Variants in MAP3K6 observed in about 807,000 individuals in gnomAD.
MAP3K6 encodes mitogen-activated protein kinase kinase kinase 6.
In MAP3K6, 105 loss-of-function variants were observed where a neutral mutation model predicts 147.1. That is an observed-to-expected ratio of 0.71 (90% CI 0.61 to 0.84). MAP3K6 has a LOEUF of 0.84. MAP3K6 is among the 40% of genes least tolerant of loss of function. The probability of loss-of-function intolerance (pLI) is 0.00; values close to 1 mark genes in which losing one functional copy is unlikely to be tolerated. For missense variants in MAP3K6, 1,569 were observed against 1,715.0 expected (o/e 0.91, Z 1.50); for synonymous variants, 695 against 732.4 (o/e 0.95, Z 0.82).
At position 27,361,133 on chromosome 1, in the gene MAP3K6, C is replaced by T. The variant is rs776380792; in HGVS notation, c.1832+24G>A. On this transcript the variant is annotated intron_variant, in intron 13 of 28. Transcript: ENST00000357582. ...CCCGGGCATCCTGGCCCTCAGAGTACCCCGACCATGAAAGGCTGCGCACCA... is the reference window on the plus strand; with the variant it reads ...CCCGGGCATCCTGGCCCTCAGAGTATCCCGACCATGAAAGGCTGCGCACCA... 5.0e-6 allele frequency: 8 copies of T among 1,587,636 alleles called. No homozygotes were observed. The South Asian group carries it at 5.7e-5, about 11-fold the overall frequency.
Position 27,355,756 on chromosome 1 carries a change from T to C in MAP3K6, c.3712-11A>G, listed in dbSNP as rs377394094. 1.2e-6 allele frequency: 2 copies of C among 1,612,228 alleles called. No individual in the cohort carries two copies. The highest frequency in any genetic ancestry group is 1.7e-6 in the Non-Finnish European group (2 of 1,178,596). On this transcript the variant is annotated splice_polypyrimidine_tract_variant and intron_variant, in intron 27 of 28. Coordinates refer to ENST00000357582, the MANE Select transcript of MAP3K6 (RefSeq NM_004672.5). Reference sequence around the variant, plus strand: ...GCTATGGTTCAACAGCTGGATGTGGTCAAAGACCCGCAGAAAGAGGGAAAT... The same window carrying C: ...GCTATGGTTCAACAGCTGGATGTGGCCAAAGACCCGCAGAAAGAGGGAAAT...
chr1:27,360,913 G>C lies in MAP3K6; in HGVS notation c.1920+8C>G. On this transcript the variant is annotated splice_region_variant and intron_variant, in intron 14 of 28. Transcript: ENST00000357582. This position sits in a 1 kb window ranked among gnomAD's most constrained non-coding sequence, Gnocchi z 4.5. ...GCCCTCCGCGAGCTCCCAGTCCCGCGTCCTCACCTCCAACATCTCCCCCGC... is the reference window on the plus strand; with the variant it reads ...GCCCTCCGCGAGCTCCCAGTCCCGCCTCCTCACCTCCAACATCTCCCCCGC... 1 of 1,608,696 alleles carries C rather than the reference G, an allele frequency of 6.2e-7. No homozygotes were observed.
Position 27,360,682 on chromosome 1 carries a change from AC to A in MAP3K6, c.2054+22del. On this transcript the variant is annotated intron_variant, in intron 15 of 28. Transcript: ENST00000357582. The surrounding 1 kb of genome is among the most constrained non-coding windows in gnomAD (Gnocchi z 4.5). ...TCGGCCCTCGCGAGCCCTCAGCCCC[AC>A]CCGCGCTGCCACGCACCGCACCTGC... The A allele has an allele frequency of 6.3e-7, 1 of 1,597,220 alleles. No homozygotes were observed. The highest frequency in any genetic ancestry group is 8.5e-7 in the Non-Finnish European group (1 of 1,172,638).
At position 27,355,701 on chromosome 1, in the gene MAP3K6, GGC is replaced by G; in HGVS notation, c.3754_3755del (p.Ala1252HisfsTer4). Reference sequence around the variant, plus strand: ...GGGTGTAGATGAGGTCATCTCGAGTGGCATAGGTGAGCAGAGTGTGGAGGGTG... The same window carrying G: ...GGGTGTAGATGAGGTCATCTCGAGTGATAGGTGAGCAGAGTGTGGAGGGTG... Reference protein sequence around the residue: ...SFTLHTLLTYATRDDLIYTRI... With the variant: ...SFTLHTLLTYXTRDDLIYTRI... On this transcript the variant is annotated frameshift_variant, in exon 28 of 29. Coordinates refer to ENST00000357582, the MANE Select transcript of MAP3K6 (RefSeq NM_004672.5). LOFTEE classifies it high-confidence loss of function. 2 of 1,612,690 alleles carry G rather than the reference GGC, an allele frequency of 1.2e-6. No individual in the cohort carries two copies. Among genetic ancestry groups the G allele is most frequent in the Non-Finnish European group, 1.7e-6 (2 of 1,179,536 alleles).
rs1438709417 is a variant in MAP3K6 at position 27,358,665 on chromosome 1, T to C, written c.2583+44A>G. ...ATTCAGAGGTGTCCAAGGCCCAGGC[T>C]GGCCCTATGCCACTTCCATGGGCCA... is the stretch of plus-strand genomic sequence containing the variant. On this transcript the variant is annotated intron_variant, in intron 19 of 28. Coordinates refer to ENST00000357582, the MANE Select transcript of MAP3K6 (RefSeq NM_004672.5). The surrounding 1 kb of genome is among the most constrained non-coding windows in gnomAD (Gnocchi z 6.2). 2 of 1,613,670 alleles carry C rather than the reference T, an allele frequency of 1.2e-6. No homozygotes were observed. Among genetic ancestry groups the C allele is most frequent in the Admixed American group, 3.3e-5 (2 of 60,004 alleles).
chr1:27,357,924 A>C, intron 21 of MAP3K6, 48 bp from the exon 22 acceptor site: 1 of 1,531,888 alleles, frequency 6.5e-7, no homozygotes, highest in Non-Finnish European at 8.7e-7. Context: ...GCAACCGGCC[A>C]GTCACCTCTG....
In MAP3K6 at chr1:27,360,792, T is replaced by C. The variant is rs2015724411; in HGVS notation, c.1967A>G (p.Lys656Arg). 1 of 1,612,776 alleles carries C rather than the reference T, an allele frequency of 6.2e-7. No individual in the cohort carries two copies. Among genetic ancestry groups the C allele is most frequent in the Non-Finnish European group, 8.5e-7 (1 of 1,179,880 alleles). The stretch of plus-strand genomic sequence containing the variant: ...CGCGTACACCACCCCATACGTGCCC[T>C]TGCCCAGCACCAGCCGCTCGCCCGT... ...TETGERLVLGKGTYGVVYAGR... is the reference protein window; with the variant it reads ...TETGERLVLGRGTYGVVYAGR... Residue 656 changes from lysine to arginine, a missense_variant, in exon 15 of 29, where the codon AAG (lysine) becomes AGG (arginine). Coordinates refer to ENST00000357582, the MANE Select transcript of MAP3K6 (RefSeq NM_004672.5). The surrounding 1 kb of genome is among the most constrained non-coding windows in gnomAD (Gnocchi z 4.5).
At position 27,360,896 on chromosome 1, in the gene MAP3K6, C is replaced by G; in HGVS notation, c.1920+25G>C. 1.2e-6 allele frequency: 2 copies of G among 1,608,244 alleles called. No individual in the cohort carries two copies. ...AGGGCCCGCGGCCCCTCGCCCTCCG[C>G]GAGCTCCCAGTCCCGCGTCCTCACC... On this transcript the variant is annotated intron_variant, in intron 14 of 28. Transcript: ENST00000357582. The surrounding 1 kb of genome is among the most constrained non-coding windows in gnomAD (Gnocchi z 4.5).
Position 27,364,426 on chromosome 1 carries a change from C to T in MAP3K6, c.505-32G>A. On this transcript the variant is annotated intron_variant, in intron 3 of 28. Transcript: ENST00000357582. This position sits in a 1 kb window ranked among gnomAD's most constrained non-coding sequence, Gnocchi z 4.4. ...GGAGGGAGGCAGGAATCAGTGAGGT[C>T]AGAGGTCAGCACAGGGCTAGACAAG... 6.2e-7 allele frequency: 1 copy of T among 1,611,116 alleles called. No homozygotes were observed.
chr1:27,364,562 G>T lies in MAP3K6; in HGVS notation c.504+99C>A. On this transcript the variant is annotated intron_variant, in intron 3 of 28. Coordinates refer to ENST00000357582, the MANE Select transcript of MAP3K6 (RefSeq NM_004672.5). This position sits in a 1 kb window ranked among gnomAD's most constrained non-coding sequence, Gnocchi z 4.4. Reference sequence around the variant, plus strand: ...CAGAGGAATACTTGGGATGTCAGTGGGGGGTTAGGTGACTGAGGAGGCCAG... The same window carrying T: ...CAGAGGAATACTTGGGATGTCAGTGTGGGGTTAGGTGACTGAGGAGGCCAG... 1 of 1,577,610 alleles carries T rather than the reference G, an allele frequency of 6.3e-7. No homozygotes were observed. The highest frequency in any genetic ancestry group is 1.1e-5 in the South Asian group (1 of 90,170).
rs2015657712 is a variant in MAP3K6 at position 27,359,387 on chromosome 1, TC to T, written c.2425+29del. 8 of 1,613,868 alleles carry T rather than the reference TC, an allele frequency of 5.0e-6. No homozygotes were observed. Among genetic ancestry groups the T allele is most frequent in the Non-Finnish European group, 5.1e-6 (6 of 1,179,878 alleles). On this transcript the variant is annotated intron_variant, in intron 18 of 28. Transcript: ENST00000357582. The surrounding 1 kb of genome is among the most constrained non-coding windows in gnomAD (Gnocchi z 4.4). ...AGAGATCTTCTGCCCCAGGTCAGCA[TC>T]CCCACTCACCACCCCCACACCTTGT...
Position 27,358,215 on chromosome 1 carries a change from G to A in MAP3K6, c.2881C>T (p.Arg961Cys), listed in dbSNP as rs201384950. ...PSQHPPSPPK[R>C]CLSYGGTSQL... is the part of the protein sequence containing the mutation. The stretch of plus-strand genomic sequence containing the variant: ...CTGGTGCCCCCATAACTGAGGCAGC[G>A]CTTCGGGGGGCTGGGTGGGTGCTGA... The change falls in exon 21 of 29, where the codon CGC becomes TGC. Residue 961 changes from arginine (R) to cysteine (C), a missense_variant. Transcript: ENST00000357582. The surrounding 1 kb of genome is among the most constrained non-coding windows in gnomAD (Gnocchi z 6.2). 25 of 1,595,558 alleles carry A rather than the reference G, an allele frequency of 1.6e-5. No homozygotes were observed. Among genetic ancestry groups the A allele is most frequent in the South Asian group, 1.0e-4 (9 of 88,444 alleles).
In MAP3K6 at chr1:27,358,657, G is replaced by T. The variant is rs781090844; in HGVS notation, c.2584-46C>A. On this transcript the variant is annotated intron_variant, in intron 19 of 28. Coordinates refer to ENST00000357582, the MANE Select transcript of MAP3K6 (RefSeq NM_004672.5). This position sits in a 1 kb window ranked among gnomAD's most constrained non-coding sequence, Gnocchi z 6.2. ...AGGGTGACATTCAGAGGTGTCCAAG[G>T]CCCAGGCTGGCCCTATGCCACTTCC... The T allele has an allele frequency of 8.1e-6, 13 of 1,613,526 alleles. 1 individual carries two copies. In the South Asian group the frequency reaches 1.4e-4, roughly 18 times the overall value.
Position 27,358,967 on chromosome 1 carries a change from G to A in MAP3K6, c.2426-101C>T, listed in dbSNP as rs1049235242. 20 of 1,210,810 alleles carry A rather than the reference G, an allele frequency of 1.7e-5. No individual in the cohort carries two copies. The highest frequency in any genetic ancestry group is 1.6e-5 in the Non-Finnish European group (14 of 865,838). The allele number at this position is 1,210,810 out of a possible 1,614,324, so 75.0% of individuals were successfully genotyped here. A position where few individuals can be genotyped will look rare whatever the true frequency, so the allele number is the denominator to read the frequency against. ...TCCTCAGGCCGACTGCACCCATACT[G>A]AACCTATCATCCAAAATATACCTCA... On this transcript the variant is annotated intron_variant, in intron 18 of 28. Coordinates refer to ENST00000357582, the MANE Select transcript of MAP3K6 (RefSeq NM_004672.5). This position sits in a 1 kb window ranked among gnomAD's most constrained non-coding sequence, Gnocchi z 6.2.
In MAP3K6 at chr1:27,360,542, C is replaced by G. The variant is rs1457942722; in HGVS notation, c.2054+163G>C. 1.3e-5 allele frequency among the ~76,000 whole-genome samples: 2 copies of G among 151,760 alleles called. No homozygotes were observed. The highest frequency in any genetic ancestry group is 1.5e-5 in the Non-Finnish European group (1 of 67,916). On this transcript the variant is annotated intron_variant, in intron 15 of 28. Coordinates refer to ENST00000357582, the MANE Select transcript of MAP3K6 (RefSeq NM_004672.5). This position sits in a 1 kb window ranked among gnomAD's most constrained non-coding sequence, Gnocchi z 4.5. Reference sequence around the variant, plus strand: ...CCTCCAGACCTCAATCCCGCCCGCACGGTCCTGGCTGTTCCGCCCACGGGC... The same window carrying G: ...CCTCCAGACCTCAATCCCGCCCGCAGGGTCCTGGCTGTTCCGCCCACGGGC...
intron 6 of MAP3K6, 58 bp from the exon 7 acceptor site, chr1:27,363,079 A>G: frequency 6.8e-7 from 1 of 1,466,616 alleles, no homozygotes; most frequent in South Asian, 1.3e-5. Flanking sequence ...CTGTCCAGGG[A>G]CCTCTAGACA....
rs146881362 is a variant in MAP3K6, at chr1:27,361,954, G to T, written c.1416-87C>A. ...AAACTGGCCTGGATATAGCTAGAAC[G>T]TTGGCATGGGGTGCCACGGGCACTG... On this transcript the variant is annotated intron_variant, in intron 9 of 28. Transcript: ENST00000357582. The T allele has an allele frequency of 1.0e-5, 15 of 1,500,438 alleles. No homozygotes were observed. The South Asian group carries it at 1.9e-4, about 19-fold the overall frequency. The allele number at this position is 1,500,438 out of a possible 1,614,324, so 92.9% of individuals were successfully genotyped here. A position where few individuals can be genotyped will look rare whatever the true frequency, so the allele number is the denominator to read the frequency against.
Position 27,366,661 on chromosome 1 carries a change from C to A in MAP3K6, c.-64G>T. ...CCGGGGGCGGGGCAGGAGCCTGGGC[C>A]GGCAGATCAGGAATCTTGGGATCTG... On this transcript the variant is annotated 5_prime_UTR_variant, in exon 1 of 29. Transcript: ENST00000357582. This position sits in a 1 kb window ranked among gnomAD's most constrained non-coding sequence, Gnocchi z 5.5. 2.9e-6 allele frequency: 3 copies of A among 1,037,644 alleles called. No individual in the cohort carries two copies. Among genetic ancestry groups the A allele is most frequent in the Non-Finnish European group, 3.5e-6 (3 of 862,904 alleles). 64.3% of individuals were successfully genotyped at this position (1,037,644 alleles called of 1,614,324 possible).
rs532819189 is a variant in MAP3K6, at chr1:27,359,194, G to C, written c.2425+223C>G. ...GCTTTTTCCTCCAACTCCCACCTTG[G>C]CCTGCATCAACACTCCTCAAGTGCT... On this transcript the variant is annotated intron_variant, in intron 18 of 28. Transcript: ENST00000357582. The surrounding 1 kb of genome is among the most constrained non-coding windows in gnomAD (Gnocchi z 4.4). Among the ~76,000 whole-genome samples, 18 of 151,874 alleles carry C rather than the reference G, an allele frequency of 1.2e-4. No individual in the cohort carries two copies. The highest frequency in any genetic ancestry group is 2.4e-4 in the Non-Finnish European group (16 of 68,002).
Sources: gnomAD v4.1 joint callset for allele counts (sites outside exome capture counted in the v4.1 genomes callset) on GRCh38, gnomAD v4.1.1 for gene constraint, Gnocchi (gnomAD v3.1) non-coding constraint, MANE v1.5 for transcripts, NCBI Gene and HGNC (gene_info 2026-07-23, HGNC 2026-07-21) for gene names.